The following PDE2A variants were observed in gnomAD, a reference collection of about 807,000 sequenced individuals.
The protein encoded by PDE2A is phosphodiesterase 2A, also known as cGMP-dependent 3',5'-cyclic phosphodiesterase.
PDE2A carries 53 observed loss-of-function variants against 133.6 expected under a neutral mutation model. The ratio of observed to expected loss-of-function variants is 0.40; its 90% CI spans 0.32 to 0.50. PDE2A has a LOEUF of 0.50. PDE2A is among the 20% of genes least tolerant of loss of function. PDE2A has a pLI of 0.73. For synonymous variants in PDE2A, 491 were observed against 490.2 expected, an observed-to-expected ratio of 1.00 and a Z score of -0.02; for missense variants, 796 against 1,232.4, an observed-to-expected ratio of 0.65 and a Z score of 5.30.
At chr11:72,596,531 C>T in intron 6 of PDE2A, 62 bp downstream of exon 6, 1 of 838,100 alleles carries the variant, frequency 1.2e-6, no homozygotes, top group Non-Finnish European at 1.8e-6. Flanking sequence ...GGACAGGCTC[C>T]ATCCACCACT....
In PDE2A at chr11:72,668,164, C is replaced by T. The variant is rs907030761; in HGVS notation, c.71+5973G>A. 2.6e-5 allele frequency: 18 copies of T among 702,500 alleles called. No homozygotes were observed. The East Asian group carries it at 3.8e-4, about 15-fold the overall frequency. 43.5% of individuals were successfully genotyped at this position (702,500 alleles called of 1,614,324 possible). ...GCTCTCTGCTCAGCTGTTCCTCTGC[C>T]GAGATGTCTCACATCCAACTTTAGT... On this transcript the variant is annotated intron_variant, in intron 1 of 30. Coordinates refer to ENST00000334456, the MANE Select transcript of PDE2A (RefSeq NM_002599.5).
chr11:72,604,586 A>G (rs1393418051), intron 4 of PDE2A, among the ~76,000 whole-genome samples: 1 of 152,242 alleles, frequency 6.6e-6, no homozygotes, highest in South Asian at 2.1e-4. Context: ...TCACCATTTC[A>G]TAAACAAAAC....
intron 2 of PDE2A, among the ~76,000 whole-genome samples, chr11:72,610,757 C>CA (rs1485616665): frequency 6.6e-6 from 1 of 152,206 alleles, no homozygotes; most frequent in Admixed American, 6.5e-5. Context: ...CAGACAACTT[C>CA]AGCACCACAC....
chr11:72,598,703 C>T, intron 4 of PDE2A: 1 of 1,279,890 alleles, frequency 7.8e-7, no homozygotes, highest in Non-Finnish European at 1.0e-6. Context: ...GGGTGGCCTG[C>T]AAGTCACGAG....
intron 1 of PDE2A, among the ~76,000 whole-genome samples, chr11:72,671,974 C>A (rs1349347684): frequency 6.6e-6 from 1 of 152,068 alleles, no homozygotes; most frequent in African/African-American, 2.4e-5. Flanking sequence ...ACACCCCTGA[C>A]CCCAGTCCAA....
intron 2 of PDE2A, among the ~76,000 whole-genome samples, chr11:72,629,751 C>T (rs1387058774): frequency 6.6e-6 from 1 of 152,122 alleles, no homozygotes; most frequent in African/African-American, 2.4e-5. Flanking sequence ...GCCTGAGACA[C>T]ATCTAGGCTC....
In PDE2A at chr11:72,642,244, G is replaced by T. The variant is rs748873091; in HGVS notation, c.144+10C>A. On this transcript the variant is annotated intron_variant, in intron 2 of 30. Coordinates refer to ENST00000334456, the MANE Select transcript of PDE2A (RefSeq NM_002599.5). ...CGTTCTCCTGGTGCCCAGCGCGGGG[G>T]CCCCCCTACCTGCAGGCTGTCGGCG... 1.2e-5 allele frequency: 18 copies of T among 1,506,570 alleles called. No homozygotes were observed. Among genetic ancestry groups the T allele is most frequent in the Middle Eastern group, 1.7e-4 (1 of 5,748 alleles). 93.3% of individuals were successfully genotyped at this position (1,506,570 alleles called of 1,614,324 possible). A position where few individuals can be genotyped will look rare whatever the true frequency, so the allele number is the denominator to read the frequency against.
chr11:72,630,154 G>C (rs191487205), intron 2 of PDE2A, among the ~76,000 whole-genome samples: 1 of 152,044 alleles, frequency 6.6e-6, no homozygotes, highest in African/African-American at 2.4e-5. Context: ...GGCACCCCTC[G>C]CAGGGCAGGA....
chr11:72,584,138 C>A, intron 19 of PDE2A, 63 bp downstream of exon 19: 1 of 848,464 alleles, frequency 1.2e-6, no homozygotes. Flanking sequence ...GGAGGAGAAC[C>A]GAGGGTCCTT....
chr11:72,670,852 T>A lies in PDE2A; in HGVS notation c.71+3285A>T, dbSNP rs575409232. Among the ~76,000 whole-genome samples the A allele has an allele frequency of 2.2e-5, 3 of 133,958 alleles. No individual in the cohort carries two copies. In the South Asian group the frequency reaches 7.6e-4, roughly 34 times the overall value. 87.9% of individuals were successfully genotyped at this position (133,958 alleles called of 152,430 possible). A position where few individuals can be genotyped will look rare whatever the true frequency, so the allele number is the denominator to read the frequency against. On this transcript the variant is annotated intron_variant, in intron 1 of 30. Coordinates refer to ENST00000334456, the MANE Select transcript of PDE2A (RefSeq NM_002599.5). ...GATATAACCACCACAAGGGAAGGGC[T>A]GCCCAGGAGGGAAGAGATGAACATC...
intron 2 of PDE2A, among the ~76,000 whole-genome samples, chr11:72,614,117 G>A (rs1857347937): frequency 6.6e-6 from 1 of 152,186 alleles, no homozygotes; most frequent in Non-Finnish European, 1.5e-5. Context: ...AGCCTGCAGA[G>A]TCAGAGACAA....
At chr11:72,585,934 TTA>T in intron 14 of PDE2A, 134 bp downstream of exon 14, 1 of 665,190 alleles carries the variant, frequency 1.5e-6, no homozygotes, top group East Asian at 2.7e-5. Context: ...AGCCTTCAAG[TTA>T]TGAGGTTATG....
chr11:72,587,982 T>G (rs1856053360), intron 13 of PDE2A: 1 of 152,292 alleles, frequency 6.6e-6, no homozygotes, highest in Non-Finnish European at 1.5e-5. Context: ...CCTGTTTGCT[T>G]GGACTCCAGA....
chr11:72,597,853 C>T lies in PDE2A; in HGVS notation c.324-234G>A, dbSNP rs944224727. 2.6e-5 allele frequency among the ~76,000 whole-genome samples: 4 copies of T among 152,156 alleles called. No individual in the cohort carries two copies. Among genetic ancestry groups the T allele is most frequent in the Admixed American group, 1.3e-4 (2 of 15,274 alleles). On this transcript the variant is annotated intron_variant, in intron 4 of 30. Coordinates refer to ENST00000334456, the MANE Select transcript of PDE2A (RefSeq NM_002599.5). The surrounding 1 kb of genome is among the most constrained non-coding windows in gnomAD (Gnocchi z 4.6). ...CTGGTGCCCCTTGCTGGTAAAGGCT[C>T]GGGTGGGGCCCAGTGCAGATCTTCC... is the stretch of plus-strand genomic sequence containing the variant.
chr11:72,629,213 C>T (rs892305251), intron 2 of PDE2A, among the ~76,000 whole-genome samples: 15 of 152,122 alleles, frequency 9.9e-5, no homozygotes, highest in African/African-American at 3.6e-4. Flanking sequence ...ATGGGAAGGA[C>T]GAGGCCGGTG....
chr11:72,596,476 T>TCACACA lies in PDE2A; in HGVS notation c.489+116_489+117insTGTGTG, dbSNP rs760226055. ...GCTCCCATCTCTCTCTCTCTCTCTC[T>TCACACA]CTCTCTCTCACACACACACACACAC... On this transcript the variant is annotated intron_variant, in intron 6 of 30. Transcript: ENST00000334456. 2.2e-3 allele frequency: 514 copies of TCACACA among 237,434 alleles called. 2 individuals carry two copies. Among genetic ancestry groups the TCACACA allele is most frequent in the South Asian group, 7.5e-3 (32 of 4,288 alleles). 14.7% of individuals were successfully genotyped at this position (237,434 alleles called of 1,614,324 possible). A position where few individuals can be genotyped will look rare whatever the true frequency, so the allele number is the denominator to read the frequency against.
chr11:72,590,274 G>A lies in PDE2A; in HGVS notation c.704-30C>T. 1 of 1,549,276 alleles carries A rather than the reference G, an allele frequency of 6.5e-7. No individual in the cohort carries two copies. Among genetic ancestry groups the A allele is most frequent in the Non-Finnish European group, 8.7e-7 (1 of 1,145,126 alleles). On this transcript the variant is annotated intron_variant, in intron 8 of 30. Transcript: ENST00000334456. This position sits in a 1 kb window ranked among gnomAD's most constrained non-coding sequence, Gnocchi z 4.8. The stretch of plus-strand genomic sequence containing the variant: ...AAGGGCCAGGCGCCGGTCAGAGAGA[G>A]GGCCCCTCCGCACCTCCGTGTCCGG...
intron 20 of PDE2A, 109 bp from the exon 21 acceptor site, chr11:72,582,675 G>A: frequency 9.0e-7 from 1 of 1,113,502 alleles, no homozygotes; most frequent in Non-Finnish European, 1.3e-6. Flanking sequence ...ATGTACCACA[G>A]TTGGGCCACC....
intron 2 of PDE2A, chr11:72,615,255 G>C: frequency 3.5e-6 from 1 of 286,722 alleles, no homozygotes; most frequent in Non-Finnish European, 8.5e-6. Context: ...TCCCAAGCCA[G>C]TCCCAGCTTC....
Sources: gnomAD v4.1 joint callset for allele counts (sites outside exome capture counted in the v4.1 genomes callset) on GRCh38, gnomAD v4.1.1 for gene constraint, Gnocchi (gnomAD v3.1) non-coding constraint, MANE v1.5 for transcripts, NCBI Gene and HGNC (gene_info 2026-07-23, HGNC 2026-07-21) for gene names.